The following OR3A3 variants were observed in gnomAD, a reference collection of about 807,000 sequenced individuals.
OR3A3 encodes the protein olfactory receptor 3A3.
For synonymous variants in OR3A3, 103 were observed against 163.9 expected, an observed-to-expected ratio of 0.63 and a Z score of 2.84; for missense variants, 275 against 391.4, an observed-to-expected ratio of 0.70 and a Z score of 2.51.
At chr17:3,414,811 A>C (rs535881781) in intron 2 of OR3A3, among the ~76,000 whole-genome samples, 160 of 152,314 alleles carry the variant, frequency 1.1e-3, no homozygotes, top group African/African-American at 3.8e-3. Context: ...CAACTACCGC[A>C]GCGTGCAAGG....
chr17:3,415,692 C>A (rs1296929153), intron 2 of OR3A3, among the ~76,000 whole-genome samples: 1 of 150,076 alleles, frequency 6.7e-6, no homozygotes, highest in Non-Finnish European at 1.5e-5. Flanking sequence ...ATTTACTTGT[C>A]TCATTAGTGA....
chr17:3,421,697 C>A, exon 3 of OR3A3: 1 of 661,296 alleles, frequency 1.5e-6, no homozygotes, highest in Non-Finnish European at 2.3e-6. Flanking sequence ...TTCATTTATT[C>A]ATTCAACAAA....
intron 2 of OR3A3, among the ~76,000 whole-genome samples, chr17:3,416,406 T>C (rs558905373): frequency 6.6e-6 from 1 of 152,124 alleles, no homozygotes; most frequent in Admixed American, 6.5e-5. Flanking sequence ...TTCTTTACTT[T>C]AACATAAATT....
chr17:3,418,949 T>A (rs990142815), intron 2 of OR3A3, among the ~76,000 whole-genome samples: 3 of 152,178 alleles, frequency 2.0e-5, no homozygotes, highest in Admixed American at 6.5e-5. Context: ...CAATCTACCA[T>A]GCCTGAATGA....
At chr17:3,418,109 A>G (rs758727206) in intron 2 of OR3A3, among the ~76,000 whole-genome samples, 3 of 152,104 alleles carry the variant, frequency 2.0e-5, no homozygotes, top group Non-Finnish European at 2.9e-5. Flanking sequence ...TACATGTTTT[A>G]AGTTCACACT....
intron 2 of OR3A3, among the ~76,000 whole-genome samples, chr17:3,412,945 T>C (rs969089988): frequency 3.3e-5 from 5 of 152,244 alleles, no homozygotes; most frequent in Non-Finnish European, 7.3e-5. Flanking sequence ...AAGTCTTCCA[T>C]GACAACTCTA....
exon 3 of OR3A3, chr17:3,422,647 A>G (rs987414174): frequency 5.3e-5 from 8 of 152,224 alleles, no homozygotes; most frequent in African/African-American, 1.9e-4. Flanking sequence ...CAGCCCATTA[A>G]TTCCTGATTC....
rs146924646 is a variant in OR3A3 at position 3,420,255 on chromosome 17, G to A, written c.-6-325G>A. 5.2e-3 allele frequency among the ~76,000 whole-genome samples: 787 copies of A among 151,966 alleles called. 14 individuals are homozygous for A. The highest frequency in any genetic ancestry group is 0.018 in the African/African-American group (732 of 41,422). ...CACAGTTACCCATTTTCCCCCTTCC[G>A]GCAAGAGCAACTATAATCTACTCAT... On this transcript the variant is annotated intron_variant, in intron 2 of 2. Coordinates refer to ENST00000641141, the Ensembl canonical transcript of OR3A3.
intron 2 of OR3A3, among the ~76,000 whole-genome samples, chr17:3,415,003 T>C (rs2150680333): frequency 6.6e-6 from 1 of 152,244 alleles, no homozygotes; most frequent in South Asian, 2.1e-4. Context: ...ACCACTGCAA[T>C]AGCTCAGAGT....
rs935754568 is a variant in OR3A3 at position 3,421,665 on chromosome 17, C to T, written c.*132C>T. On this transcript the variant is annotated 3_prime_UTR_variant, in exon 3 of 3. Transcript: ENST00000641141. Reference sequence around the variant, plus strand: ...GGAGTGGTGTTATGTGTTTGGCCTACAAGGAAACCCTATATAATTCATTCA... The same window carrying T: ...GGAGTGGTGTTATGTGTTTGGCCTATAAGGAAACCCTATATAATTCATTCA... 74 of 911,558 alleles carry T rather than the reference C, an allele frequency of 8.1e-5. No individual in the cohort carries two copies. In the South Asian group the frequency reaches 1.6e-3, roughly 19 times the overall value. 56.5% of individuals were successfully genotyped at this position (911,558 alleles called of 1,614,324 possible).
At chr17:3,415,583 A>AAAACC (rs1404033982) in intron 2 of OR3A3, among the ~76,000 whole-genome samples, 2 of 150,286 alleles carry the variant, frequency 1.3e-5, no homozygotes, top group Non-Finnish European at 3.0e-5. Context: ...AAAGAAAAGA[A>AAAACC]AAACCAACAA....
chr17:3,422,813 G>C (rs1451201353), exon 3 of OR3A3: 1 of 152,490 alleles, frequency 6.6e-6, no homozygotes, highest in Non-Finnish European at 1.5e-5. Context: ...AGATAAGGTT[G>C]TGAAGACAAG....
At chr17:3,417,268 C>CATG (rs1281885785) in intron 2 of OR3A3, among the ~76,000 whole-genome samples, 1 of 151,962 alleles carries the variant, frequency 6.6e-6, no homozygotes, top group African/African-American at 2.4e-5. Context: ...ATTCTAAATT[C>CATG]ATGATTGGGT....
chr17:3,421,683 T>C (rs1487299835), exon 3 of OR3A3: 3 of 712,440 alleles, frequency 4.2e-6, no homozygotes, highest in Non-Finnish European at 4.3e-6. Context: ...CCCTATATAA[T>C]TCATTCATTT....
chr17:3,412,555 G>T (rs531247076), intron 2 of OR3A3, among the ~76,000 whole-genome samples: 30 of 148,496 alleles, frequency 2.0e-4, no homozygotes, highest in Non-Finnish European at 3.6e-4. Flanking sequence ...CTCGAGAGTG[G>T]TCGTGCAGGA....
chr17:3,416,074 C>T (rs921238661), intron 2 of OR3A3, among the ~76,000 whole-genome samples: 4 of 151,750 alleles, frequency 2.6e-5, no homozygotes, highest in African/African-American at 9.7e-5. Flanking sequence ...AGCCTCCCAA[C>T]GTGCTGGGAT....
chr17:3,417,195 T>A (rs1181819624), intron 2 of OR3A3, among the ~76,000 whole-genome samples: 2 of 152,162 alleles, frequency 1.3e-5, no homozygotes, highest in Non-Finnish European at 2.9e-5. Flanking sequence ...CTTTTGTTTG[T>A]CTATTTTCTA....
intron 2 of OR3A3, 106 bp from the exon 3 acceptor site, chr17:3,420,474 A>G: frequency 6.5e-7 from 1 of 1,531,118 alleles, no homozygotes; most frequent in African/African-American, 1.4e-5. Context: ...TGGAGGAGTG[A>G]GGGATGGCCT....
At chr17:3,421,222 C>T (rs749533517) in exon 3 of OR3A3, 2 of 1,614,200 alleles carry the variant, frequency 1.2e-6, no homozygotes, top group African/African-American at 1.3e-5. Context: ...GGCTGTGGCA[C>T]CCTTGGTCTT....
Sources: gnomAD v4.1 joint callset for allele counts (sites outside exome capture counted in the v4.1 genomes callset) on GRCh38, gnomAD v4.1.1 for gene constraint, MANE v1.5 for transcripts, NCBI Gene and HGNC (gene_info 2026-07-23, HGNC 2026-07-21) for gene names.